SIPA1L1: variants seen among roughly 807,000 people sequenced by gnomAD.
The protein encoded by SIPA1L1 is signal induced proliferation associated 1 like 1.
In SIPA1L1, 26 loss-of-function variants were observed where a neutral mutation model predicts 162.7. That is an observed-to-expected ratio of 0.16 (90% confidence interval 0.12 to 0.22). The LOEUF is 0.22. Ranked by LOEUF, SIPA1L1 falls within the 10% of genes least tolerant of loss-of-function variation. SIPA1L1 has a pLI of 1.00. For missense variants in SIPA1L1, 1,874 were observed against 2,241.0 expected (o/e 0.84, Z 3.31); for synonymous variants, 829 against 837.4 (o/e 0.99, Z 0.17).
chr14:71,462,016 G>A (rs2046640168), intron 2 of SIPA1L1, among the ~76,000 whole-genome samples: 1 of 152,172 alleles, frequency 6.6e-6, no homozygotes. Context: ...GGATGTGCTC[G>A]AGCGCAATCA....
intron 2 of SIPA1L1, chr14:71,330,833 A>C: frequency 1.7e-6 from 1 of 603,564 alleles, no homozygotes; most frequent in South Asian, 2.0e-5. Context: ...ACACCTTATG[A>C]GATAGATTAT....
intron 2 of SIPA1L1, among the ~76,000 whole-genome samples, chr14:71,334,530 G>C (rs546016702): frequency 2.3e-4 from 35 of 152,294 alleles, no homozygotes; most frequent in African/African-American, 8.2e-4. Flanking sequence ...TTCATTTTGT[G>C]TAGAACCATA....
intron 2 of SIPA1L1, among the ~76,000 whole-genome samples, chr14:71,402,584 T>C (rs748345392): frequency 6.6e-6 from 1 of 152,104 alleles, no homozygotes; most frequent in Non-Finnish European, 1.5e-5. Flanking sequence ...CTTGGCCTTA[T>C]GTGATCTGCC....
At chr14:71,549,569 A>T (rs2055594179) in intron 4 of SIPA1L1, among the ~76,000 whole-genome samples, 1 of 152,190 alleles carries the variant, frequency 6.6e-6, no homozygotes, top group Non-Finnish European at 1.5e-5. Context: ...GCCAATTGGG[A>T]GGTTTCTAAC....
At chr14:71,359,971 A>G (rs2037643958) in intron 2 of SIPA1L1, among the ~76,000 whole-genome samples, 1 of 152,216 alleles carries the variant, frequency 6.6e-6, no homozygotes, top group Non-Finnish European at 1.5e-5. Context: ...ATTGTGGCCC[A>G]AAAAGTTGAG....
At chr14:71,679,363 C>A (rs951363241) in intron 12 of SIPA1L1, among the ~76,000 whole-genome samples, 35 of 152,234 alleles carry the variant, frequency 2.3e-4, no homozygotes, top group Middle Eastern at 3.4e-3. Context: ...GAAATAAAAT[C>A]CTTTACAGAC....
chr14:71,455,838 A>G (rs577478289), intron 2 of SIPA1L1, among the ~76,000 whole-genome samples: 1 of 152,206 alleles, frequency 6.6e-6, no homozygotes, highest in African/African-American at 2.4e-5. Flanking sequence ...TTTTCCAAGT[A>G]TTTATGATGC....
intron 2 of SIPA1L1, among the ~76,000 whole-genome samples, chr14:71,413,038 A>G (rs567268198): frequency 1.3e-5 from 2 of 152,316 alleles, no homozygotes; most frequent in African/African-American, 4.8e-5. Context: ...AAACCTCACC[A>G]GTATTTTCGC....
At chr14:71,504,318 T>C (rs1351861190) in intron 2 of SIPA1L1, among the ~76,000 whole-genome samples, 2 of 152,208 alleles carry the variant, frequency 1.3e-5, no homozygotes, top group South Asian at 2.1e-4. Flanking sequence ...TTTATGAGCA[T>C]GAATAAACGT....
intron 10 of SIPA1L1, among the ~76,000 whole-genome samples, chr14:71,664,783 A>G (rs1210520342): frequency 6.6e-6 from 1 of 152,140 alleles, no homozygotes; most frequent in Non-Finnish European, 1.5e-5. Flanking sequence ...TGGAAAGGGG[A>G]GAAGTTTCCT....
At chr14:71,479,820 A>G (rs141812504) in intron 2 of SIPA1L1, among the ~76,000 whole-genome samples, 13 of 151,712 alleles carry the variant, frequency 8.6e-5, no homozygotes, top group African/African-American at 2.9e-4. Flanking sequence ...CTGACCTCCC[A>G]TACTAAAGGT....
At chr14:71,676,030 G>A (rs1255651668) in intron 12 of SIPA1L1, among the ~76,000 whole-genome samples, 3 of 147,612 alleles carry the variant, frequency 2.0e-5, no homozygotes, top group Admixed American at 6.7e-5. Context: ...GCCGAGGCTG[G>A]TGAATCATTT....
intron 5 of SIPA1L1, among the ~76,000 whole-genome samples, chr14:71,600,519 C>T (rs2036608741): frequency 6.6e-6 from 1 of 152,120 alleles, no homozygotes; most frequent in Admixed American, 6.5e-5. Context: ...GTTTTAAAGT[C>T]AGGTAATATA....
chr14:71,698,668 A>G (rs949311848), intron 13 of SIPA1L1, among the ~76,000 whole-genome samples: 1 of 152,254 alleles, frequency 6.6e-6, no homozygotes, highest in Non-Finnish European at 1.5e-5. Flanking sequence ...CTGCTCTGCC[A>G]TACTAGGAAA....
At chr14:71,461,976 A>G (rs922101917) in intron 2 of SIPA1L1, among the ~76,000 whole-genome samples, 30 of 152,334 alleles carry the variant, frequency 2.0e-4, no homozygotes, top group African/African-American at 7.0e-4. Flanking sequence ...CACTTGAGCC[A>G]CTTCCTCATG....
At chr14:71,571,679 T>A (rs1296084058) in intron 4 of SIPA1L1, among the ~76,000 whole-genome samples, 1 of 152,116 alleles carries the variant, frequency 6.6e-6, no homozygotes, top group East Asian at 1.9e-4. Context: ...TCTTGCTCTG[T>A]CACCCAGGCT....
intron 2 of SIPA1L1, among the ~76,000 whole-genome samples, chr14:71,348,604 G>A (rs952147029): frequency 1.3e-5 from 2 of 152,188 alleles, no homozygotes; most frequent in Non-Finnish European, 2.9e-5. Flanking sequence ...ATGTCTAAGA[G>A]TGGACTTGCT....
At chr14:71,464,775 C>T (rs2046863425) in intron 2 of SIPA1L1, among the ~76,000 whole-genome samples, 2 of 152,226 alleles carry the variant, frequency 1.3e-5, no homozygotes, top group Admixed American at 6.5e-5. Context: ...ATTCCCATGG[C>T]TGTTCTCCAG....
At chr14:71,600,972 A>G (rs2036675260) in intron 5 of SIPA1L1, among the ~76,000 whole-genome samples, 1 of 152,176 alleles carries the variant, frequency 6.6e-6, no homozygotes, top group African/African-American at 2.4e-5. Context: ...TATTGAATTT[A>G]ATGATCCAGA....
Sources: allele counts gnomAD v4.1 joint callset (sites outside exome capture counted in the v4.1 genomes callset), GRCh38; gene constraint gnomAD v4.1.1; transcripts MANE v1.5; gene names NCBI Gene and HGNC (gene_info 2026-07-23, HGNC 2026-07-21).